SORCS3: variants seen among roughly 807,000 people sequenced by gnomAD.
SORCS3 encodes the protein sortilin related VPS10 domain containing receptor 3, also known as VPS10 domain-containing receptor SorCS3.
In SORCS3, 57 loss-of-function variants were observed where a neutral mutation model predicts 146.3. That is an observed-to-expected ratio of 0.39 (90% confidence interval 0.31 to 0.49). The LOEUF (loss-of-function observed/expected upper bound fraction) is 0.49. Among genes scored for constraint, SORCS3 ranks in the 20% least tolerant of loss-of-function variants. The probability of loss-of-function intolerance (pLI) is 0.92; values close to 1 mark genes in which losing one functional copy is unlikely to be tolerated. For synonymous variants in SORCS3, 653 were observed against 618.5 expected, an observed-to-expected ratio of 1.06 and a Z score of -0.83; for missense variants, 1,341 against 1,575.5, an observed-to-expected ratio of 0.85 and a Z score of 2.52.
chr10:104,896,723 T>C (rs1454981540), intron 2 of SORCS3, among the ~76,000 whole-genome samples: 2 of 152,244 alleles, frequency 1.3e-5, no homozygotes, highest in African/African-American at 2.4e-5. Flanking sequence ...GGATACTACA[T>C]TGTAATACCT....
At chr10:105,195,690 G>A (rs1284161304) in intron 14 of SORCS3, among the ~76,000 whole-genome samples, 9 of 152,158 alleles carry the variant, frequency 5.9e-5, no homozygotes, top group Admixed American at 5.9e-4. Context: ...TGCCCCATAG[G>A]AAAGGGACCA....
intron 5 of SORCS3, among the ~76,000 whole-genome samples, chr10:105,082,551 G>A (rs1301607708): frequency 6.6e-6 from 1 of 152,024 alleles, no homozygotes; most frequent in Non-Finnish European, 1.5e-5. Flanking sequence ...TTATAGATGT[G>A]GAAACTAAAA....
intron 1 of SORCS3, among the ~76,000 whole-genome samples, chr10:104,715,201 G>T (rs1332748253): frequency 6.6e-6 from 1 of 152,184 alleles, no homozygotes; most frequent in Non-Finnish European, 1.5e-5. Flanking sequence ...ACCAGCATTT[G>T]AATCAGTAGA....
intron 4 of SORCS3, among the ~76,000 whole-genome samples, chr10:104,987,738 G>C (rs947697127): frequency 1.3e-5 from 2 of 151,994 alleles, no homozygotes; most frequent in African/African-American, 2.4e-5. Context: ...TATTCAGAAC[G>C]CACCCACCAT....
intron 1 of SORCS3, among the ~76,000 whole-genome samples, chr10:104,760,853 T>C (rs1473091102): frequency 6.6e-6 from 1 of 151,594 alleles, no homozygotes; most frequent in East Asian, 1.9e-4. Flanking sequence ...GATAGCTTGG[T>C]AAAAATACAT....
intron 5 of SORCS3, among the ~76,000 whole-genome samples, chr10:105,048,082 G>C (rs2055386202): frequency 6.6e-6 from 1 of 151,930 alleles, no homozygotes. Flanking sequence ...TTACACTGTT[G>C]GTGGGACTGT....
rs752493779 is a variant in SORCS3, at chr10:105,167,303, G to T, written c.1855G>T (p.Ala619Ser). The T allele has an allele frequency of 6.2e-7, 1 of 1,613,326 alleles. No individual in the cohort carries two copies. Among genetic ancestry groups the T allele is most frequent in the Admixed American group, 1.7e-5 (1 of 59,940 alleles). ...TGTCTGGTTCCTAGACTGGGGTGGT[G>T]CCCTCGTGGCCATGAAACACACACC... is the stretch of plus-strand genomic sequence containing the variant. ...YNVWFLDWGG[A>S]LVAMKHTPLP... The change falls in exon 13 of 27, where the codon GCC becomes TCC. Residue 619 changes from alanine to serine, a missense_variant. Ala to Ser is a moderately conservative substitution (Grantham distance 99). Transcript: ENST00000369701.
intron 4 of SORCS3, among the ~76,000 whole-genome samples, chr10:104,979,483 ATAGCT>A (rs926011862): frequency 1.3e-5 from 2 of 152,208 alleles, no homozygotes; most frequent in Admixed American, 1.3e-4. Context: ...CTTGGTTGAA[ATAGCT>A]TCTTCACTCT....
chr10:104,751,959 A>ATATATATATATATATG (rs2016992171), intron 1 of SORCS3, among the ~76,000 whole-genome samples: 3 of 112,032 alleles, frequency 2.7e-5, no homozygotes, highest in African/African-American at 1.1e-4. Context: ...ATATATATAT[A>ATATATATATATATATG]TATATATATA....
chr10:105,044,242 C>A lies in SORCS3; in HGVS notation c.1028+1114C>A, dbSNP rs183657720. ...AAATGAGCTGGCCATCAGTGTCATG[C>A]CCCTGTAGTCCCAGCTACTCAGGAG... is the stretch of plus-strand genomic sequence containing the variant. On this transcript the variant is annotated intron_variant, in intron 5 of 26. Transcript: ENST00000369701. 2.9e-3 allele frequency among the ~76,000 whole-genome samples: 435 copies of A among 152,058 alleles called. 2 individuals are homozygous for A. The highest frequency in any genetic ancestry group is 0.014 in the Middle Eastern group (4 of 294).
At chr10:105,114,473 T>C (rs2055880422) in intron 7 of SORCS3, among the ~76,000 whole-genome samples, 2 of 152,164 alleles carry the variant, frequency 1.3e-5, no homozygotes, top group South Asian at 4.1e-4. Context: ...TAAGTGAGCC[T>C]GTAGTACCCT....
intron 1 of SORCS3, among the ~76,000 whole-genome samples, chr10:104,780,527 T>C (rs2017362348): frequency 6.6e-6 from 1 of 152,208 alleles, no homozygotes; most frequent in Non-Finnish European, 1.5e-5. Flanking sequence ...CTCTTCCAAA[T>C]GGGCTGCTTT....
At chr10:104,928,602 C>T (rs1006882356) in intron 3 of SORCS3, among the ~76,000 whole-genome samples, 3 of 152,136 alleles carry the variant, frequency 2.0e-5, no homozygotes, top group South Asian at 2.1e-4. Context: ...TTCGTGCCCC[C>T]ATTACCAGCC....
At chr10:104,653,715 A>G (rs1481668248) in intron 1 of SORCS3, among the ~76,000 whole-genome samples, 1 of 152,198 alleles carries the variant, frequency 6.6e-6, no homozygotes, top group African/African-American at 2.4e-5. Flanking sequence ...GATACGTGAG[A>G]TGTTTTGGTA....
At chr10:104,989,708 G>A (rs1274388271) in intron 4 of SORCS3, among the ~76,000 whole-genome samples, 16 of 152,130 alleles carry the variant, frequency 1.1e-4, no homozygotes, top group Admixed American at 1.0e-3. Context: ...CTGCAGATGG[G>A]GACTCCACAG....
intron 4 of SORCS3, among the ~76,000 whole-genome samples, chr10:105,025,247 T>C (rs1589599185): frequency 6.6e-6 from 1 of 152,208 alleles, no homozygotes; most frequent in East Asian, 1.9e-4. Flanking sequence ...TCCCTGAGAG[T>C]GGCCCTTTAC....
At chr10:104,661,702 C>CAGAT (rs1028535981) in intron 1 of SORCS3, among the ~76,000 whole-genome samples, 1 of 133,466 alleles carries the variant, frequency 7.5e-6, no homozygotes, top group Non-Finnish European at 1.7e-5. Context: ...GATAGATAGA[C>CAGAT]AGATAGATAG....
At chr10:105,208,421 A>G (rs1398596696) in intron 16 of SORCS3, among the ~76,000 whole-genome samples, 1 of 151,628 alleles carries the variant, frequency 6.6e-6, no homozygotes, top group Non-Finnish European at 1.5e-5. Flanking sequence ...CTCTCTGGGA[A>G]CTAACAAATT....
chr10:105,158,062 T>A (rs745953858), intron 10 of SORCS3, among the ~76,000 whole-genome samples: 1 of 152,230 alleles, frequency 6.6e-6, no homozygotes, highest in African/African-American at 2.4e-5. Context: ...TTTCCCTTTG[T>A]AATTTTCAGC....
Sources: allele counts gnomAD v4.1 joint callset (sites outside exome capture counted in the v4.1 genomes callset), GRCh38; gene constraint gnomAD v4.1.1; transcripts MANE v1.5; gene names NCBI Gene and HGNC (gene_info 2026-07-23, HGNC 2026-07-21).